The following CNTN4 variants were observed in gnomAD, a reference collection of about 807,000 sequenced individuals.
CNTN4 encodes contactin-4.
In CNTN4, 77 loss-of-function variants were observed where a neutral mutation model predicts 122.5. That is an observed-to-expected ratio of 0.63 (90% CI 0.52 to 0.76). The LOEUF (loss-of-function observed/expected upper bound fraction) is 0.76. CNTN4 is among the 30% of genes least tolerant of loss of function. The pLI is 0.00. For missense variants in CNTN4, 1,256 were observed against 1,259.1 expected, an observed-to-expected ratio of 1.00 and a Z score of 0.04; for synonymous variants, 512 against 447.0, an observed-to-expected ratio of 1.15 and a Z score of -1.83.
At chr3:2,842,201 A>G (rs879682155) in intron 7 of CNTN4, among the ~76,000 whole-genome samples, 2 of 152,180 alleles carry the variant, frequency 1.3e-5, no homozygotes, top group African/African-American at 2.4e-5. Context: ...TTGCAGCAGA[A>G]CAGGGCTGTG....
At chr3:2,644,558 A>G (rs568279138) in intron 4 of CNTN4, among the ~76,000 whole-genome samples, 2 of 151,656 alleles carry the variant, frequency 1.3e-5, no homozygotes, top group East Asian at 3.9e-4. Context: ...TGTATACTTT[A>G]TCCTTCCTTT....
At chr3:2,560,128 T>G (rs2078887664) in intron 3 of CNTN4, among the ~76,000 whole-genome samples, 1 of 149,662 alleles carries the variant, frequency 6.7e-6, no homozygotes, top group African/African-American at 2.5e-5. Flanking sequence ...GTTATTATTA[T>G]TATTCTTTTT....
chr3:2,159,626 C>T (rs752244852), intron 2 of CNTN4, among the ~76,000 whole-genome samples: 3 of 152,188 alleles, frequency 2.0e-5, no homozygotes, highest in Non-Finnish European at 2.9e-5. Flanking sequence ...CATTCCCCTT[C>T]ACTGCTTTCC....
At chr3:2,465,103 A>G (rs73806653) in intron 3 of CNTN4, among the ~76,000 whole-genome samples, 2,638 of 152,290 alleles carry the variant, frequency 0.017, 93 homozygotes, top group African/African-American at 0.06. Flanking sequence ...ACATTTGAAA[A>G]GTAAATGGTA....
At chr3:2,423,183 A>G (rs1320786054) in intron 3 of CNTN4, among the ~76,000 whole-genome samples, 1 of 152,238 alleles carries the variant, frequency 6.6e-6, no homozygotes, top group African/African-American at 2.4e-5. Context: ...TGCCCTCTGG[A>G]AAGCCTCACA....
chr3:2,307,135 A>C (rs1481414869), intron 2 of CNTN4, among the ~76,000 whole-genome samples: 2 of 152,072 alleles, frequency 1.3e-5, no homozygotes, highest in African/African-American at 4.8e-5. Context: ...CCTCCACTAC[A>C]ATTGAATTGA....
At chr3:2,763,494 C>A (rs986286918) in intron 6 of CNTN4, among the ~76,000 whole-genome samples, 6 of 152,068 alleles carry the variant, frequency 3.9e-5, no homozygotes, top group Non-Finnish European at 1.5e-5. Context: ...TAATTAAATC[C>A]CATTTGTCAA....
intron 6 of CNTN4, among the ~76,000 whole-genome samples, chr3:2,779,489 G>C (rs917779475): frequency 2.0e-5 from 3 of 152,138 alleles, no homozygotes; most frequent in Non-Finnish European, 4.4e-5. Context: ...ATGAGCCACA[G>C]TTGGTTATTA....
chr3:2,860,026 C>T (rs760184223), intron 7 of CNTN4, among the ~76,000 whole-genome samples: 1 of 152,196 alleles, frequency 6.6e-6, no homozygotes, highest in Non-Finnish European at 1.5e-5. Flanking sequence ...CCTCCACTGC[C>T]ACATCTGAGC....
chr3:2,759,165 T>G (rs1401353977), intron 6 of CNTN4, among the ~76,000 whole-genome samples: 1 of 152,002 alleles, frequency 6.6e-6, no homozygotes, highest in Non-Finnish European at 1.5e-5. Flanking sequence ...TTCTTTTTTC[T>G]TTTTTTTGAG....
Position 2,609,590 on chromosome 3 carries a change from G to T in CNTN4, c.55+38032G>T, listed in dbSNP as rs1559300328. Among the ~76,000 whole-genome samples, 3 of 152,266 alleles carry T rather than the reference G, an allele frequency of 2.0e-5. No homozygotes were observed. In the East Asian group the frequency reaches 5.8e-4, roughly 29 times the overall value. Reference sequence around the variant, plus strand: ...TTCTCAAAAGCATTATGTTCAGTAGGATAGCTCTCTAACTTATCTCTAAAG... The same window carrying T: ...TTCTCAAAAGCATTATGTTCAGTAGTATAGCTCTCTAACTTATCTCTAAAG... On this transcript the variant is annotated intron_variant, in intron 4 of 24. Transcript: ENST00000418658.
intron 3 of CNTN4, among the ~76,000 whole-genome samples, chr3:2,472,312 C>A (rs1165174326): frequency 6.6e-6 from 1 of 152,138 alleles, no homozygotes; most frequent in African/African-American, 2.4e-5. Context: ...CCCATCTTGG[C>A]TCACTGCAAC....
rs555271540 is a variant in CNTN4, at chr3:2,779,773, T to G, written c.358+34076T>G. On this transcript the variant is annotated intron_variant, in intron 6 of 24. Transcript: ENST00000418658. ...AAGTATCTAGAAGCCATACAATAAG[T>G]GGTGGTGGTGATTTGTATGATTGTT... 2.0e-5 allele frequency among the ~76,000 whole-genome samples: 3 copies of G among 152,232 alleles called. No homozygotes were observed. The South Asian group carries it at 6.2e-4, about 32-fold the overall frequency.
chr3:2,984,440 G>A (rs1382002424), intron 13 of CNTN4, among the ~76,000 whole-genome samples: 1 of 152,324 alleles, frequency 6.6e-6, no homozygotes, highest in East Asian at 1.9e-4. Context: ...AGCTATGGGA[G>A]TCCAGTGGGT....
rs1279477222 is a variant in CNTN4, at chr3:2,180,024, GGGCTCCATAGCCAT to G, written c.-145+79386_-145+79399del. Among the ~76,000 whole-genome samples, 245 of 151,904 alleles carry G rather than the reference GGGCTCCATAGCCAT, an allele frequency of 1.6e-3. 1 individual carries two copies. Among genetic ancestry groups the G allele is most frequent in the African/African-American group, 5.8e-3 (239 of 41,480 alleles). Reference sequence around the variant, plus strand: ...TCAATTCAGATGAGCAACATTTCAAGGGCTCCATAGCCATAGGTAGCTTATGGCTGCTGAATTAG... The same window carrying G: ...TCAATTCAGATGAGCAACATTTCAAGAGGTAGCTTATGGCTGCTGAATTAG... On this transcript the variant is annotated intron_variant, in intron 2 of 24. Transcript: ENST00000418658.
chr3:2,692,921 T>TTTA (rs5846209), intron 4 of CNTN4, among the ~76,000 whole-genome samples: 34,953 of 151,918 alleles, frequency 0.23, 4,548 homozygotes, highest in South Asian at 0.46. Context: ...ATTTAAAATT[T>TTTA]TTATCAAATT....
chr3:2,120,403 ATATTT>A (rs1283976617), intron 2 of CNTN4, among the ~76,000 whole-genome samples: 2 of 35,828 alleles, frequency 5.6e-5, no homozygotes, highest in African/African-American at 9.6e-5. Flanking sequence ...ATATATATAT[ATATTT>A]TTTTTTTTTT....
chr3:2,936,515 C>T (rs749396450), intron 13 of CNTN4, among the ~76,000 whole-genome samples: 11 of 152,144 alleles, frequency 7.2e-5, no homozygotes, highest in Non-Finnish European at 1.6e-4. Flanking sequence ...TATGAGATGA[C>T]CAGTAAGGCT....
At chr3:2,929,072 A>C in intron 13 of CNTN4, among the ~76,000 whole-genome samples, 1 of 152,248 alleles carries the variant, frequency 6.6e-6, no homozygotes, top group Non-Finnish European at 1.5e-5. Context: ...AAGTAATTTC[A>C]TAGCATTCTT....
Sources: allele counts gnomAD v4.1 joint callset (sites outside exome capture counted in the v4.1 genomes callset), GRCh38; gene constraint gnomAD v4.1.1; transcripts MANE v1.5; gene names NCBI Gene and HGNC (gene_info 2026-07-23, HGNC 2026-07-21).